ANKS1A: variants seen among roughly 807,000 people sequenced by gnomAD.
ANKS1A encodes the protein ankyrin repeat and sterile alpha motif domain containing 1A.
ANKS1A carries 55 observed loss-of-function variants against 120.3 expected under a neutral mutation model. The observed-to-expected ratio is 0.46, with a 90% CI of 0.37 to 0.57. ANKS1A has a LOEUF of 0.57. ANKS1A is among the 20% of genes least tolerant of loss of function. The pLI is 0.00. For synonymous variants in ANKS1A, 590 were observed against 604.7 expected (o/e 0.98, Z 0.36); for missense variants, 1,123 against 1,480.3 (o/e 0.76, Z 3.96).
intron 1 of ANKS1A, among the ~76,000 whole-genome samples, chr6:34,915,123 C>T (rs1379356167): frequency 6.6e-6 from 1 of 152,192 alleles, no homozygotes; most frequent in African/African-American, 2.4e-5. Context: ...GCTAGCTCAT[C>T]ACTTATATTC....
chr6:35,018,278 G>A (rs1244114235), intron 11 of ANKS1A, among the ~76,000 whole-genome samples: 2 of 152,218 alleles, frequency 1.3e-5, no homozygotes, highest in Non-Finnish European at 1.5e-5. Flanking sequence ...TTAGAGGGTG[G>A]AGGCCCCAGC....
At chr6:34,985,359 G>A (rs766877475) in intron 8 of ANKS1A, 81 bp downstream of exon 8, 5 of 1,400,316 alleles carry the variant, frequency 3.6e-6, no homozygotes, top group African/African-American at 1.4e-5. Context: ...GGGAAGGGAA[G>A]TGTGATCCCT....
chr6:34,980,272 C>T (rs1184334820), intron 3 of ANKS1A, among the ~76,000 whole-genome samples: 1 of 152,238 alleles, frequency 6.6e-6, no homozygotes, highest in East Asian at 1.9e-4. Flanking sequence ...GTGCAGCTTC[C>T]TCTGCATCCT....
chr6:35,071,043 T>C, intron 13 of ANKS1A: 1 of 449,414 alleles, frequency 2.2e-6, no homozygotes, highest in Non-Finnish European at 4.2e-6. Context: ...TTACTTAGGT[T>C]GATTTGCCAG....
chr6:34,904,477 T>TA (rs1363202253), intron 1 of ANKS1A, among the ~76,000 whole-genome samples: 1 of 152,118 alleles, frequency 6.6e-6, no homozygotes, highest in Non-Finnish European at 1.5e-5. Context: ...CACAAGCCCG[T>TA]AATCCCAGCA....
At position 35,058,906 on chromosome 6, in the gene ANKS1A, TTCCCTGCTCATCCTTA is replaced by T. The variant is rs943783423; in HGVS notation, c.2078-1240_2078-1225del. On this transcript the variant is annotated intron_variant, in intron 12 of 23. Coordinates refer to ENST00000360359, the MANE Select transcript of ANKS1A (RefSeq NM_015245.3). This position sits in a 1 kb window ranked among gnomAD's most constrained non-coding sequence, Gnocchi z 5.1. The stretch of plus-strand genomic sequence containing the variant: ...TCGAGGAGCAAATAGATGTCCTCCC[TTCCCTGCTCATCCTTA>T]GAGGAGAACGCCAAGATCCAGAGAC... 2.6e-5 allele frequency among the ~76,000 whole-genome samples: 4 copies of T among 152,164 alleles called. No individual in the cohort carries two copies. Among genetic ancestry groups the T allele is most frequent in the Non-Finnish European group, 2.9e-5 (2 of 68,024 alleles).
chr6:35,059,159 T>C (rs748502976), intron 12 of ANKS1A, among the ~76,000 whole-genome samples: 4 of 152,220 alleles, frequency 2.6e-5, no homozygotes, highest in Non-Finnish European at 5.9e-5. Context: ...ACAGCTGTTA[T>C]CAGAAGAGGA....
intron 10 of ANKS1A, 142 bp from the exon 11 acceptor site, chr6:35,017,331 T>C (rs1581650700): frequency 1.3e-6 from 1 of 798,142 alleles, no homozygotes; most frequent in African/African-American, 1.7e-5. Context: ...TCTTCTCTCC[T>C]CTCCCCCTCC....
At chr6:35,062,398 A>T (rs1008687242) in intron 13 of ANKS1A, among the ~76,000 whole-genome samples, 1 of 152,194 alleles carries the variant, frequency 6.6e-6, no homozygotes, top group Non-Finnish European at 1.5e-5. Flanking sequence ...TGGGAAGGGG[A>T]GCGTTTCTGT....
chr6:34,933,246 C>T (rs926180655), intron 1 of ANKS1A, among the ~76,000 whole-genome samples: 4 of 152,118 alleles, frequency 2.6e-5, no homozygotes, highest in East Asian at 1.9e-4. Context: ...AATTTATGTC[C>T]GTGATCATTC....
intron 1 of ANKS1A, among the ~76,000 whole-genome samples, chr6:34,908,273 G>A (rs1018712117): frequency 6.6e-6 from 1 of 152,206 alleles, no homozygotes; most frequent in African/African-American, 2.4e-5. Flanking sequence ...GATTCAGATA[G>A]CTGATAGAAG....
intron 11 of ANKS1A, among the ~76,000 whole-genome samples, chr6:35,033,442 AT>A (rs763469302): frequency 3.3e-5 from 5 of 151,950 alleles, no homozygotes; most frequent in African/African-American, 1.2e-4. Context: ...TTAAAGAAAA[AT>A]TTTTCCAAGG....
At position 35,089,931 on chromosome 6, in the gene ANKS1A, C is replaced by T. The variant is rs1049637381; in HGVS notation, c.*1322C>T. On this transcript the variant is annotated 3_prime_UTR_variant, in exon 24 of 24. Transcript: ENST00000360359. Reference sequence around the variant, plus strand: ...GGATGAATAATCCAGGCTTCAGCAACACTCCTCTTTCCCAGCCAGCAAAGG... The same window carrying T: ...GGATGAATAATCCAGGCTTCAGCAATACTCCTCTTTCCCAGCCAGCAAAGG... 1.4e-5 allele frequency: 16 copies of T among 1,161,688 alleles called. No homozygotes were observed. The highest frequency in any genetic ancestry group is 1.6e-5 in the Non-Finnish European group (15 of 927,764). The allele number at this position is 1,161,688 out of a possible 1,614,324, so 72.0% of individuals were successfully genotyped here.
chr6:35,081,987 C>T (rs573234860), intron 17 of ANKS1A, among the ~76,000 whole-genome samples: 1 of 152,334 alleles, frequency 6.6e-6, no homozygotes, highest in East Asian at 1.9e-4. Flanking sequence ...ACTTCCTTTC[C>T]CTTTCTACAA....
chr6:34,998,654 C>T (rs566573203), intron 10 of ANKS1A, among the ~76,000 whole-genome samples: 9 of 152,284 alleles, frequency 5.9e-5, no homozygotes, highest in East Asian at 1.9e-4. Flanking sequence ...CTTGCTCAAT[C>T]GATCATGACC....
chr6:35,029,349 CTTT>C (rs776256932), intron 11 of ANKS1A, among the ~76,000 whole-genome samples: 2 of 105,762 alleles, frequency 1.9e-5, no homozygotes, highest in African/African-American at 7.5e-5. Context: ...ATGACTTCTG[CTTT>C]TTTTTTTTTT....
intron 12 of ANKS1A, among the ~76,000 whole-genome samples, chr6:35,059,620 C>T (rs576399766): frequency 6.6e-6 from 1 of 152,338 alleles, no homozygotes; most frequent in South Asian, 2.1e-4. Flanking sequence ...GTGCTCTCTC[C>T]TGACTGGTTT....
intron 1 of ANKS1A, among the ~76,000 whole-genome samples, chr6:34,908,931 TAA>T (rs1417571668): frequency 1.3e-5 from 2 of 152,156 alleles, no homozygotes; most frequent in Non-Finnish European, 2.9e-5. Context: ...GAAATATGGC[TAA>T]AAATTATTGA....
rs1298926331 is a variant in ANKS1A, at chr6:35,081,825, C to T, written c.2709+667C>T. Among the ~76,000 whole-genome samples the T allele has an allele frequency of 2.6e-5, 4 of 152,180 alleles. No individual in the cohort carries two copies. In the East Asian group the frequency reaches 7.7e-4, roughly 29 times the overall value. ...TACTCAGGACCTGCCTGTCCTGCCT[C>T]CCTCCTTGTACGGACCTTGGCTTTG... On this transcript the variant is annotated intron_variant, in intron 17 of 23. Transcript: ENST00000360359.
Sources: allele counts gnomAD v4.1 joint callset (sites outside exome capture counted in the v4.1 genomes callset), GRCh38; gene constraint gnomAD v4.1.1; non-coding constraint Gnocchi (gnomAD v3.1); transcripts MANE v1.5; gene names NCBI Gene and HGNC (gene_info 2026-07-23, HGNC 2026-07-21).